FRMD3: variants seen among roughly 807,000 people sequenced by gnomAD.
FRMD3 encodes FERM domain containing 3, also known as FERM domain-containing protein 3.
In FRMD3, 33 loss-of-function variants were observed where a neutral mutation model predicts 70.2. That is an observed-to-expected ratio of 0.47 (90% CI 0.36 to 0.63). The LOEUF is 0.63. FRMD3 is among the 20% of genes least tolerant of loss of function. The pLI is 0.00. For missense variants in FRMD3, 632 were observed against 711.4 expected, an observed-to-expected ratio of 0.89 and a Z score of 1.27; for synonymous variants, 279 against 255.9, an observed-to-expected ratio of 1.09 and a Z score of -0.86.
chr9:83,256,737 T>C (rs1435080332), intron 13 of FRMD3, among the ~76,000 whole-genome samples: 1 of 151,754 alleles, frequency 6.6e-6, no homozygotes. Flanking sequence ...AAGACATGCA[T>C]GTGGCCAACA....
intron 2 of FRMD3, among the ~76,000 whole-genome samples, chr9:83,381,150 T>C (rs890502898): frequency 2.0e-5 from 3 of 152,240 alleles, no homozygotes; most frequent in Admixed American, 1.3e-4. Context: ...CCAATAATCA[T>C]GGTTTCCATT....
At chr9:83,512,135 A>G (rs1423640392) in intron 1 of FRMD3, among the ~76,000 whole-genome samples, 1 of 152,218 alleles carries the variant, frequency 6.6e-6, no homozygotes, top group Non-Finnish European at 1.5e-5. Flanking sequence ...GCTTTTGAGG[A>G]TTAAATGAGA....
chr9:83,259,960 G>C (rs891259214), intron 13 of FRMD3, among the ~76,000 whole-genome samples: 3 of 152,132 alleles, frequency 2.0e-5, no homozygotes, highest in African/African-American at 4.8e-5. Flanking sequence ...GGAGTGAAAA[G>C]AGCAGTGGCC....
At chr9:83,421,065 C>T (rs1225490630) in intron 1 of FRMD3, among the ~76,000 whole-genome samples, 1 of 150,904 alleles carries the variant, frequency 6.6e-6, no homozygotes, top group African/African-American at 2.4e-5. Context: ...CTCAGCCTCC[C>T]GAGTAGCTGG....
At chr9:83,372,560 C>T (rs2131256558) in intron 3 of FRMD3, among the ~76,000 whole-genome samples, 1 of 152,186 alleles carries the variant, frequency 6.6e-6, no homozygotes, top group South Asian at 2.1e-4. Context: ...GCACCCCCTC[C>T]CACACTTAAT....
intron 1 of FRMD3, among the ~76,000 whole-genome samples, chr9:83,460,015 C>A (rs973878951): frequency 6.6e-6 from 1 of 152,202 alleles, no homozygotes; most frequent in African/African-American, 2.4e-5. Flanking sequence ...TCGGGCAGGG[C>A]CCCACCCTCA....
intron 12 of FRMD3, among the ~76,000 whole-genome samples, 155 bp downstream of exon 12, chr9:83,298,593 G>T (rs1438266356): frequency 6.6e-6 from 1 of 152,230 alleles, no homozygotes; most frequent in Non-Finnish European, 1.5e-5. Flanking sequence ...CTGTGCTCAT[G>T]CCATGGCCCA....
intron 3 of FRMD3, among the ~76,000 whole-genome samples, chr9:83,364,108 A>T (rs972699730): frequency 1.3e-5 from 2 of 152,156 alleles, no homozygotes; most frequent in African/African-American, 4.8e-5. Context: ...AGTCTTTTGC[A>T]TATTTTTATA....
At chr9:83,348,518 G>A (rs532661926) in intron 4 of FRMD3, among the ~76,000 whole-genome samples, 14 of 152,180 alleles carry the variant, frequency 9.2e-5, no homozygotes, top group Non-Finnish European at 1.5e-4. Flanking sequence ...TCTTTTGAGG[G>A]TGATGAAAAC....
At chr9:83,416,554 A>G (rs1481801885) in intron 1 of FRMD3, among the ~76,000 whole-genome samples, 1 of 152,216 alleles carries the variant, frequency 6.6e-6, no homozygotes, top group Non-Finnish European at 1.5e-5. Flanking sequence ...CAACTCAGCA[A>G]AGGGGCTTGG....
At chr9:83,253,327 C>A (rs1832517483) in intron 13 of FRMD3, among the ~76,000 whole-genome samples, 1 of 152,036 alleles carries the variant, frequency 6.6e-6, no homozygotes, top group Non-Finnish European at 1.5e-5. Flanking sequence ...CTAATGAGAA[C>A]AAAGAGACAA....
intron 2 of FRMD3, among the ~76,000 whole-genome samples, chr9:83,376,444 G>C (rs1207468207): frequency 6.6e-6 from 1 of 151,958 alleles, no homozygotes; most frequent in African/African-American, 2.4e-5. Flanking sequence ...GCATATTGTG[G>C]GATACAAAAA....
intron 1 of FRMD3, among the ~76,000 whole-genome samples, chr9:83,438,048 T>C (rs1314489978): frequency 6.6e-6 from 1 of 152,086 alleles, no homozygotes; most frequent in Non-Finnish European, 1.5e-5. Flanking sequence ...ATAAGCAGAC[T>C]CCCAGGGAGG....
At chr9:83,467,567 T>C in intron 1 of FRMD3, 1 of 1,125,410 alleles carries the variant, frequency 8.9e-7, no homozygotes, top group Admixed American at 2.0e-5. Flanking sequence ...ATGCATTATG[T>C]TAAATAAAAG....
intron 1 of FRMD3, among the ~76,000 whole-genome samples, chr9:83,511,106 A>C (rs538134769): frequency 6.6e-6 from 1 of 152,340 alleles, no homozygotes; most frequent in East Asian, 1.9e-4. Flanking sequence ...AAGAAGAGGC[A>C]CTTGATCTCT....
intron 1 of FRMD3, among the ~76,000 whole-genome samples, chr9:83,475,618 T>G (rs1828377919): frequency 6.6e-6 from 1 of 152,110 alleles, no homozygotes. Context: ...TTTTCCAAAT[T>G]TGAGGAAAAA....
intron 1 of FRMD3, among the ~76,000 whole-genome samples, chr9:83,480,335 C>G (rs1037735308): frequency 3.9e-5 from 6 of 152,102 alleles, no homozygotes; most frequent in African/African-American, 9.7e-5. Context: ...CCCTCCATAT[C>G]CCTGGTTTCC....
At chr9:83,301,095 T>C (rs1020124106) in intron 10 of FRMD3, among the ~76,000 whole-genome samples, 1 of 151,874 alleles carries the variant, frequency 6.6e-6, no homozygotes, top group Admixed American at 6.6e-5. Flanking sequence ...CCAGAGAAAA[T>C]GGTACAGGAC....
intron 1 of FRMD3, among the ~76,000 whole-genome samples, chr9:83,502,147 ACCTAAG>A (rs1829083469): frequency 6.6e-6 from 1 of 152,198 alleles, no homozygotes; most frequent in South Asian, 2.1e-4. Flanking sequence ...ACACGCAAAT[ACCTAAG>A]CATGCGCCAC....
Sources: gnomAD v4.1 joint callset for allele counts (sites outside exome capture counted in the v4.1 genomes callset) on GRCh38, gnomAD v4.1.1 for gene constraint, MANE v1.5 for transcripts, NCBI Gene and HGNC (gene_info 2026-07-23, HGNC 2026-07-21) for gene names.